CTNNA3: variants seen among roughly 807,000 people sequenced by gnomAD.
CTNNA3 encodes the protein catenin alpha-3.
Under a neutral mutation model 95.7 loss-of-function variants are expected in CTNNA3, and 76 were observed. The observed-to-expected ratio is 0.79, with a 90% confidence interval of 0.66 to 0.96. The LOEUF (loss-of-function observed/expected upper bound fraction) is 0.96, where lower values mean the gene tolerates loss of function less well. Among genes scored for constraint, CTNNA3 ranks in the 40% least tolerant of loss-of-function variants. The pLI is 0.00. For missense variants in CTNNA3, 1,191 were observed against 1,089.8 expected, an observed-to-expected ratio of 1.09 and a Z score of -1.31; for synonymous variants, 431 against 374.4, an observed-to-expected ratio of 1.15 and a Z score of -1.74.
At chr10:66,003,433 C>T (rs913086032) in intron 15 of CTNNA3, among the ~76,000 whole-genome samples, 13 of 151,910 alleles carry the variant, frequency 8.6e-5, no homozygotes, top group Non-Finnish European at 1.6e-4. Flanking sequence ...TTCTGTTCTT[C>T]GGTCCTCAAA....
chr10:67,498,751 A>C (rs1039871400), intron 5 of CTNNA3, among the ~76,000 whole-genome samples: 1 of 152,164 alleles, frequency 6.6e-6, no homozygotes, highest in Non-Finnish European at 1.5e-5. Context: ...TTATTGGCAT[A>C]TAGGAATGCT....
In CTNNA3 at chr10:66,863,203, ACACACACG is replaced by A. The variant is rs1484697035; in HGVS notation, c.1048-87687_1048-87680del. Among the ~76,000 whole-genome samples the A allele has an allele frequency of 6.0e-5, 9 of 151,230 alleles. No individual in the cohort carries two copies. In the South Asian group the frequency reaches 1.7e-3, roughly 28 times the overall value. ...TTTACACACACACACACACACACAC[ACACACACG>A]CACACACATATATATATATAATACA... is the stretch of plus-strand genomic sequence containing the variant. On this transcript the variant is annotated intron_variant, in intron 7 of 17. Transcript: ENST00000433211.
rs376138241 is a variant in CTNNA3 at position 66,896,204 on chromosome 10, A to G, written c.1048-120680T>C. Among the ~76,000 whole-genome samples, 10 of 152,316 alleles carry G rather than the reference A, an allele frequency of 6.6e-5. No homozygotes were observed. The East Asian group carries it at 1.7e-3, about 26-fold the overall frequency. On this transcript the variant is annotated intron_variant, in intron 7 of 17. Transcript: ENST00000433211. ...TATTTATTCTAAAATTCAAAGGTAA[A>G]TACTGCATGGTGCTCCACAAAGAGT... is the stretch of plus-strand genomic sequence containing the variant.
At chr10:66,121,965 G>T (rs2082603923) in intron 13 of CTNNA3, among the ~76,000 whole-genome samples, 1 of 152,114 alleles carries the variant, frequency 6.6e-6, no homozygotes, top group South Asian at 2.1e-4. Flanking sequence ...AAAACATATT[G>T]CTATGGTTTT....
At chr10:66,958,486 T>C (rs1469162467) in intron 7 of CTNNA3, among the ~76,000 whole-genome samples, 2 of 151,982 alleles carry the variant, frequency 1.3e-5, no homozygotes, top group Non-Finnish European at 2.9e-5. Context: ...AAATAGCATA[T>C]AGCTCAGATT....
At chr10:67,331,586 T>C (rs1841797486) in intron 5 of CTNNA3, among the ~76,000 whole-genome samples, 1 of 152,198 alleles carries the variant, frequency 6.6e-6, no homozygotes, top group Non-Finnish European at 1.5e-5. Context: ...AAGGCAGTTC[T>C]ATCACTCAGC....
At chr10:66,114,608 C>T (rs1027625522) in intron 13 of CTNNA3, among the ~76,000 whole-genome samples, 2 of 151,750 alleles carry the variant, frequency 1.3e-5, no homozygotes, top group African/African-American at 2.4e-5. Flanking sequence ...CGGTTGGGTA[C>T]AGTGGCTCAC....
chr10:66,364,434 A>G (rs2092697694), intron 12 of CTNNA3, among the ~76,000 whole-genome samples: 1 of 152,002 alleles, frequency 6.6e-6, no homozygotes, highest in South Asian at 2.1e-4. Context: ...CTAGTTCTCC[A>G]GGAGTAAAAA....
intron 7 of CTNNA3, among the ~76,000 whole-genome samples, chr10:67,075,518 C>A (rs1233441248): frequency 1.3e-5 from 2 of 152,166 alleles, no homozygotes; most frequent in Admixed American, 6.5e-5. Flanking sequence ...ACTTAAGATT[C>A]TCCAACGTCA....
At chr10:66,319,158 A>C (rs2132282759) in intron 12 of CTNNA3, among the ~76,000 whole-genome samples, 1 of 152,236 alleles carries the variant, frequency 6.6e-6, no homozygotes, top group African/African-American at 2.4e-5. Context: ...TAATAATAAA[A>C]ATGGGAATAA....
intron 11 of CTNNA3, among the ~76,000 whole-genome samples, chr10:66,427,108 C>T (rs989608536): frequency 4.0e-5 from 6 of 151,886 alleles, no homozygotes; most frequent in African/African-American, 1.4e-4. Flanking sequence ...CTATCAAGGA[C>T]TTCCAGTTTT....
At chr10:66,577,115 A>T (rs1023107912) in intron 10 of CTNNA3, among the ~76,000 whole-genome samples, 12 of 150,978 alleles carry the variant, frequency 7.9e-5, no homozygotes, top group South Asian at 4.2e-4. Flanking sequence ...TTTGTTGGCC[A>T]CATGTATGTC....
chr10:65,994,624 C>G (rs10996813), intron 15 of CTNNA3, among the ~76,000 whole-genome samples: 146 of 152,218 alleles, frequency 9.6e-4, no homozygotes, highest in African/African-American at 3.4e-3. Context: ...CTATAACTTG[C>G]CTTTAACAAG....
chr10:66,696,770 T>TTA (rs1362790508), intron 9 of CTNNA3, among the ~76,000 whole-genome samples: 1 of 149,474 alleles, frequency 6.7e-6, no homozygotes, highest in Non-Finnish European at 1.5e-5. Flanking sequence ...CTGTCTCTAT[T>TTA]AAAAAAAAAA....
intron 7 of CTNNA3, among the ~76,000 whole-genome samples, chr10:66,913,841 C>T (rs373287406): frequency 6.6e-6 from 1 of 152,166 alleles, no homozygotes; most frequent in Admixed American, 6.5e-5. Flanking sequence ...AAATTCAAAC[C>T]TGAAAAGCTA....
chr10:66,059,739 T>A (rs2080157714), intron 15 of CTNNA3, among the ~76,000 whole-genome samples: 2 of 152,088 alleles, frequency 1.3e-5, no homozygotes, highest in African/African-American at 4.8e-5. Context: ...CAATGGAAAT[T>A]CTAGAAAAAT....
Position 67,137,885 on chromosome 10 carries a change from T to C in CTNNA3, c.1047+42432A>G, listed in dbSNP as rs1336798011. Among the ~76,000 whole-genome samples the C allele has an allele frequency of 2.0e-5, 3 of 151,702 alleles. No homozygotes were observed. The East Asian group carries it at 5.8e-4, about 29-fold the overall frequency. ...ATGACATGCATCACTAGATTGTAGA[T>C]AATAGAATTTAGTATGTAATTTATT... On this transcript the variant is annotated intron_variant, in intron 7 of 17. Transcript: ENST00000433211.
At chr10:67,211,269 A>G (rs924076773) in intron 6 of CTNNA3, among the ~76,000 whole-genome samples, 40 of 121,776 alleles carry the variant, frequency 3.3e-4, no homozygotes, top group Non-Finnish European at 5.8e-4. Flanking sequence ...AGTTTTGGAG[A>G]AAAAAAAAAA....
chr10:67,238,171 GAA>G (rs1865578003), intron 5 of CTNNA3, among the ~76,000 whole-genome samples: 1 of 152,118 alleles, frequency 6.6e-6, no homozygotes, highest in Non-Finnish European at 1.5e-5. Context: ...AGATCCAAAT[GAA>G]AATACAATAC....
Sources: allele counts gnomAD v4.1 joint callset (sites outside exome capture counted in the v4.1 genomes callset), GRCh38; gene constraint gnomAD v4.1.1; transcripts MANE v1.5; gene names NCBI Gene and HGNC (gene_info 2026-07-23, HGNC 2026-07-21).